The following LRRC8B variants were observed in gnomAD, a reference collection of about 807,000 sequenced individuals.
LRRC8B encodes the protein volume-regulated anion channel subunit LRRC8B.
A neutral mutation model predicts 58.8 loss-of-function variants in LRRC8B; 23 were observed. That is an observed-to-expected ratio of 0.39 (90% CI 0.28 to 0.55). LRRC8B has a LOEUF of 0.55. Ranked by LOEUF, LRRC8B falls within the 20% of genes least tolerant of loss-of-function variation. The pLI is 0.62. For synonymous variants in LRRC8B, 359 were observed against 374.1 expected, an observed-to-expected ratio of 0.96 and a Z score of 0.47; for missense variants, 694 against 936.0, an observed-to-expected ratio of 0.74 and a Z score of 3.37.
intron 5 of LRRC8B, among the ~76,000 whole-genome samples, chr1:89,591,546 A>C (rs543693003): frequency 6.6e-6 from 1 of 152,352 alleles, no homozygotes; most frequent in Non-Finnish European, 1.5e-5. Context: ...GACAATCATT[A>C]GATTTATTTT....
Position 89,583,121 on chromosome 1 carries a change from C to G in LRRC8B, c.471C>G (p.His157Gln), listed in dbSNP as rs1557620715. The change falls in exon 5 of 6, where the codon CAC becomes CAG. Residue 157 changes from histidine (H) to glutamine (Q), a missense_variant. Transcript: ENST00000330947. The surrounding 1 kb of genome is among the most constrained non-coding windows in gnomAD (Gnocchi z 5.2). ...SRLEHFVAIL[H>Q]KCFDSPWTTR... ...TCGAGCATTTTGTGGCCATCCTTCA[C>G]AAGTGCTTCGATTCTCCATGGACCA... is the stretch of plus-strand genomic sequence containing the variant. The G allele has an allele frequency of 2.5e-6, 4 of 1,614,198 alleles. No individual in the cohort carries two copies. In the East Asian group the frequency reaches 8.9e-5, roughly 36 times the overall value.
chr1:89,535,920 AT>A (rs1355172977), intron 1 of LRRC8B, among the ~76,000 whole-genome samples: 1 of 152,106 alleles, frequency 6.6e-6, no homozygotes, highest in African/African-American at 2.4e-5. Flanking sequence ...AATAAATGCA[AT>A]TGAGAGGGAG....
At chr1:89,562,536 C>T (rs1205470144) in intron 1 of LRRC8B, among the ~76,000 whole-genome samples, 1 of 152,030 alleles carries the variant, frequency 6.6e-6, no homozygotes, top group East Asian at 1.9e-4. Context: ...CAGTGGTGTG[C>T]AGTCTCGGCT....
intron 1 of LRRC8B, among the ~76,000 whole-genome samples, chr1:89,536,924 A>T (rs1234999024): frequency 6.6e-6 from 1 of 152,186 alleles, no homozygotes. Context: ...CCCAGAATAC[A>T]CACATACTCA....
At chr1:89,531,478 T>C (rs359926) in intron 1 of LRRC8B, among the ~76,000 whole-genome samples, 3,655 of 152,274 alleles carry the variant, frequency 0.024, 145 homozygotes, top group African/African-American at 0.083. Context: ...AATCAGGTTA[T>C]GGTGGCAAGA....
intron 1 of LRRC8B, among the ~76,000 whole-genome samples, chr1:89,564,138 CTTG>C (rs1258327001): frequency 1.3e-5 from 2 of 152,146 alleles, no homozygotes; most frequent in African/African-American, 4.8e-5. Context: ...AGTTATTCAT[CTTG>C]TTATTAAATT....
rs61714771 is a variant in LRRC8B at position 89,541,710 on chromosome 1, C to CAA, written c.-241+16726_-241+16727dup. Among the ~76,000 whole-genome samples the CAA allele has an allele frequency of 3.4e-3, 143 of 42,228 alleles. 34 individuals are homozygous for CAA. Among genetic ancestry groups the CAA allele is most frequent in the African/African-American group, 4.7e-3 (43 of 9,220 alleles). 27.7% of individuals were successfully genotyped at this position (42,228 alleles called of 152,430 possible). On this transcript the variant is annotated intron_variant, in intron 1 of 5. Coordinates refer to ENST00000330947, the MANE Select transcript of LRRC8B (RefSeq NM_001369817.2). ...TGGGCGACAGAGGGAGACTCCGTCT[C>CAA]AAAAAAAAAAAAAAAAAAAAAAAAA...
chr1:89,587,391 G>A (rs1171677587), intron 5 of LRRC8B, among the ~76,000 whole-genome samples: 9 of 152,048 alleles, frequency 5.9e-5, no homozygotes, highest in Admixed American at 1.3e-4. Context: ...AAAATTAGCC[G>A]GGCATGGTGG....
chr1:89,542,849 G>T (rs1651116888), intron 1 of LRRC8B, among the ~76,000 whole-genome samples: 1 of 152,126 alleles, frequency 6.6e-6, no homozygotes, highest in Admixed American at 6.5e-5. Context: ...CCTCACATCA[G>T]CTACTTGTTA....
chr1:89,541,523 A>G (rs1650972707), intron 1 of LRRC8B, among the ~76,000 whole-genome samples: 1 of 151,428 alleles, frequency 6.6e-6, no homozygotes, highest in African/African-American at 2.4e-5. Context: ...CATCCCGGCT[A>G]AAACGGTGAA....
intron 3 of LRRC8B, among the ~76,000 whole-genome samples, chr1:89,569,303 T>A (rs901012318): frequency 9.8e-5 from 15 of 152,320 alleles, no homozygotes; most frequent in South Asian, 2.1e-4. Context: ...AAATTTTTTT[T>A]AATTTTATAA....
chr1:89,567,925 T>G (rs946947720), intron 1 of LRRC8B, among the ~76,000 whole-genome samples: 1 of 151,950 alleles, frequency 6.6e-6, no homozygotes, highest in Non-Finnish European at 1.5e-5. Context: ...CTGTGATATA[T>G]AAGTGGCAAA....
intron 1 of LRRC8B, among the ~76,000 whole-genome samples, chr1:89,547,545 C>T (rs973927819): frequency 6.6e-6 from 1 of 152,162 alleles, no homozygotes; most frequent in African/African-American, 2.4e-5. Flanking sequence ...ATTGCCTGTA[C>T]CTAGTAGACA....
chr1:89,540,556 G>C (rs1650885053), intron 1 of LRRC8B, among the ~76,000 whole-genome samples: 1 of 152,330 alleles, frequency 6.6e-6, no homozygotes, highest in African/African-American at 2.4e-5. Flanking sequence ...GAAAGAACAA[G>C]AGCATTGGAG....
At chr1:89,534,276 G>C (rs1233534647) in intron 1 of LRRC8B, among the ~76,000 whole-genome samples, 4 of 151,878 alleles carry the variant, frequency 2.6e-5, no homozygotes, top group Non-Finnish European at 5.9e-5. Context: ...TATAACTATT[G>C]GGTTTTAAAA....
intron 3 of LRRC8B, among the ~76,000 whole-genome samples, chr1:89,576,674 A>G (rs992067962): frequency 1.3e-5 from 2 of 152,174 alleles, no homozygotes; most frequent in Admixed American, 6.5e-5. Context: ...GCTCTTGGTG[A>G]TTTTTATGTA....
intron 5 of LRRC8B, 69 bp downstream of exon 5, chr1:89,584,858 AAC>A: frequency 1.8e-6 from 2 of 1,108,216 alleles, no homozygotes; most frequent in Non-Finnish European, 2.6e-6. Flanking sequence ...AGGGAAAGAA[AAC>A]ACACTTCAAA....
At position 89,596,882 on chromosome 1, in the gene LRRC8B, A is replaced by T. The variant is rs778676996; in HGVS notation, c.*3839A>T. The T allele has an allele frequency of 1.3e-5, 2 of 152,198 alleles. No individual in the cohort carries two copies. Among genetic ancestry groups the T allele is most frequent in the African/African-American group, 4.8e-5 (2 of 41,460 alleles). The allele number at this position is 152,198 out of a possible 1,614,324, so 9.4% of individuals were successfully genotyped here. On this transcript the variant is annotated 3_prime_UTR_variant, in exon 6 of 6. Coordinates refer to ENST00000330947, the MANE Select transcript of LRRC8B (RefSeq NM_001369817.2). ...GCTGATCTGTACCCAAAGCAGGACAATGTAACTGTAGATCTGCTTTGTTTT... is the reference window on the plus strand; with the variant it reads ...GCTGATCTGTACCCAAAGCAGGACATTGTAACTGTAGATCTGCTTTGTTTT...
At position 89,596,088 on chromosome 1, in the gene LRRC8B, A is replaced by G. The variant is rs1655287213; in HGVS notation, c.*3045A>G. On this transcript the variant is annotated 3_prime_UTR_variant, in exon 6 of 6. Transcript: ENST00000330947. ...TTTTCAAAATTGCAGGAGGTTGTAG[A>G]TTAAATTAAGTATGATAGCACGTTT... 6.6e-6 allele frequency: 1 copy of G among 152,002 alleles called. No homozygotes were observed. Among genetic ancestry groups the G allele is most frequent in the Non-Finnish European group, 1.5e-5 (1 of 67,948 alleles). The allele number at this position is 152,002 out of a possible 1,614,324, so 9.4% of individuals were successfully genotyped here.
Sources: gnomAD v4.1 joint callset for allele counts (sites outside exome capture counted in the v4.1 genomes callset) on GRCh38, gnomAD v4.1.1 for gene constraint, Gnocchi (gnomAD v3.1) non-coding constraint, MANE v1.5 for transcripts, NCBI Gene and HGNC (gene_info 2026-07-23, HGNC 2026-07-21) for gene names.